Variants in SYTL5 observed in about 807,000 individuals in gnomAD.
The protein encoded by SYTL5 is synaptotagmin-like protein 5.
SYTL5 carries 34 observed loss-of-function variants against 55.9 expected under a neutral mutation model. That is an observed-to-expected ratio of 0.61 (90% CI 0.46 to 0.81). The LOEUF is 0.81. SYTL5 is among the 30% of genes least tolerant of loss of function. The pLI, the probability that SYTL5 is intolerant of heterozygous loss-of-function variation, is 0.00. For missense variants in SYTL5, 637 were observed against 546.7 expected (o/e 1.17, Z -1.65); for synonymous variants, 221 against 188.7 (o/e 1.17, Z -1.40).
At chrX:38,083,382 C>G (rs945135912) in intron 6 of SYTL5, among the ~76,000 whole-genome samples, 1 of 111,825 alleles carries the variant, frequency 8.9e-6, no homozygotes, top group Non-Finnish European at 1.9e-5. Flanking sequence ...TAAGGAAACA[C>G]TAAACATTTT....
At chrX:38,037,795 TA>T (rs1303323804) in intron 2 of SYTL5, among the ~76,000 whole-genome samples, 2 of 102,531 alleles carry the variant, frequency 2.0e-5, no homozygotes, top group East Asian at 3.4e-4. Flanking sequence ...TTCTGATAGA[TA>T]GATAGATAGA....
At chrX:37,907,202 CCTG>C in the SYTL5 span, among the ~76,000 whole-genome samples, 1 of 111,127 alleles carries the variant, frequency 9.0e-6, no homozygotes, top group African/African-American at 3.3e-5. Flanking sequence ...AGAAAACAAC[CCTG>C]CTGATATGCC....
rs1281548491 is a variant in SYTL5 at position 38,096,192 on chromosome X, T to C, written c.1020T>C (p.Thr340=). 3 of 1,194,240 alleles carry C rather than the reference T, an allele frequency of 2.5e-6. No homozygotes were observed. Among genetic ancestry groups the C allele is most frequent in the African/African-American group, 3.5e-5 (2 of 56,754 alleles). ...CATTTACAGAAGACTCAGAGGATAC[T>C]GTAAGCATAAGAAGCAAGTCTGTCC... The part of the protein sequence containing the change: ...SESFTEDSED[T]VSIRSKSVPG... The change falls in exon 9 of 17, where the codon ACT becomes ACC. Residue 340 remains threonine (T), a synonymous_variant. Transcript: ENST00000297875.
At position 38,122,159 on chromosome X, in the gene SYTL5, G is replaced by A; in HGVS notation, c.1785G>A (p.Glu595=). The part of the protein sequence containing the change: ...SGGILEVFIK[E]AKNLTAVKSG... ...GAATACTAGAAGTGTTCATCAAAGAGGCAAAGAATTTGACAGCAGTGAAGT... is the reference window on the plus strand; with the variant it reads ...GAATACTAGAAGTGTTCATCAAAGAAGCAAAGAATTTGACAGCAGTGAAGT... Residue 595 remains glutamate (E), a synonymous_variant, in exon 15 of 17, where the codon GAG becomes GAA. Coordinates refer to ENST00000297875, the MANE Select transcript of SYTL5 (RefSeq NM_138780.3). The A allele has an allele frequency of 8.3e-7, 1 of 1,208,026 alleles. No individual in the cohort carries two copies. The highest frequency in any genetic ancestry group is 1.1e-6 in the Non-Finnish European group (1 of 892,881).
At chrX:38,119,180 T>TTGTG (rs767742519) in intron 13 of SYTL5, among the ~76,000 whole-genome samples, 18 of 108,577 alleles carry the variant, frequency 1.7e-4, no homozygotes, top group Non-Finnish European at 2.1e-4. Flanking sequence ...TGGTACTCAT[T>TTGTG]TGTGTGTGTG....
chrX:37,910,234 C>T, the SYTL5 span, among the ~76,000 whole-genome samples: 2 of 111,610 alleles, frequency 1.8e-5, no homozygotes, highest in South Asian at 7.6e-4. Context: ...ATCCTGAGGC[C>T]TCTCTCCTTC....
rs751531973 is a variant in SYTL5, at chrX:38,125,516, T to A, written c.2050+10T>A. The A allele has an allele frequency of 1.3e-5, 15 of 1,199,453 alleles. No homozygotes were observed. In the Admixed American group the frequency reaches 3.3e-4, roughly 26 times the overall value. ...TTGAATTCTGGAAGTGGTGAGGGAT[T>A]TGGGGACCCACAGGGATGGTCTGTG... On this transcript the variant is annotated intron_variant, in intron 16 of 16. Coordinates refer to ENST00000297875, the MANE Select transcript of SYTL5 (RefSeq NM_138780.3).
At chrX:37,974,296 C>A in the SYTL5 span, among the ~76,000 whole-genome samples, 1 of 112,039 alleles carries the variant, frequency 8.9e-6, no homozygotes, top group African/African-American at 3.2e-5. Context: ...CATGAATGAA[C>A]CTTGAAAACA....
the SYTL5 span, among the ~76,000 whole-genome samples, chrX:37,902,274 T>C: frequency 8.9e-6 from 1 of 112,265 alleles, no homozygotes; most frequent in South Asian, 3.7e-4. Context: ...TAGCAGCCTT[T>C]CTGTCTTAGA....
At chrX:38,062,126 C>G (rs760670977) in intron 3 of SYTL5, among the ~76,000 whole-genome samples, 8 of 110,626 alleles carry the variant, frequency 7.2e-5, no homozygotes, top group Admixed American at 6.8e-4. Context: ...TGCCACCACA[C>G]CCGGCTAATT....
chrX:38,035,632 C>G (rs1033106035), intron 2 of SYTL5, among the ~76,000 whole-genome samples: 3 of 109,322 alleles, frequency 2.7e-5, no homozygotes, highest in African/African-American at 6.7e-5. Context: ...CGTGGTGGCT[C>G]ACGCCTGTAA....
chrX:37,991,406 G>A, the SYTL5 span: 101 of 621,231 alleles, frequency 1.6e-4, no homozygotes, highest in African/African-American at 1.7e-3. Flanking sequence ...AGCTGAAGGC[G>A]GGGAAGGGGT....
intron 1 of SYTL5, among the ~76,000 whole-genome samples, chrX:38,013,659 A>G (rs183808315): frequency 2.1e-3 from 236 of 111,616 alleles, no homozygotes; most frequent in Middle Eastern, 4.6e-3. Flanking sequence ...TTCCAAAGGC[A>G]TCTTCCTGGG....
chrX:37,951,918 G>C, the SYTL5 span, among the ~76,000 whole-genome samples: 7 of 111,419 alleles, frequency 6.3e-5, no homozygotes, highest in Non-Finnish European at 9.4e-5. Context: ...GGATGGGCTA[G>C]ACACAAGGAG....
At chrX:37,985,074 G>A in the SYTL5 span, among the ~76,000 whole-genome samples, 7 of 111,933 alleles carry the variant, frequency 6.3e-5, no homozygotes, top group Non-Finnish European at 1.1e-4. Flanking sequence ...AACAAAACAG[G>A]ATGTCTGCTC....
intron 8 of SYTL5, among the ~76,000 whole-genome samples, chrX:38,094,986 C>T (rs1344524444): frequency 1.8e-5 from 2 of 111,713 alleles, no homozygotes; most frequent in African/African-American, 3.2e-5. Context: ...ATGTTAATAG[C>T]TATGACTAAG....
chrX:37,999,593 A>C, the SYTL5 span, among the ~76,000 whole-genome samples: 1 of 111,901 alleles, frequency 8.9e-6, no homozygotes, highest in Non-Finnish European at 1.9e-5. Flanking sequence ...AGGGGAAAAT[A>C]GTGAAAGGAG....
At chrX:37,971,203 T>C in the SYTL5 span, among the ~76,000 whole-genome samples, 7 of 108,725 alleles carry the variant, frequency 6.4e-5, no homozygotes, top group Non-Finnish European at 1.3e-4. Flanking sequence ...GCACATTGCA[T>C]AGACTTATAA....
intron 6 of SYTL5, among the ~76,000 whole-genome samples, chrX:38,077,172 T>C (rs774909532): frequency 2.6e-4 from 29 of 111,701 alleles, no homozygotes; most frequent in Admixed American, 1.4e-3. Context: ...AGATTATCAG[T>C]GGAGCCAATT....
Sources: allele counts gnomAD v4.1 joint callset (sites outside exome capture counted in the v4.1 genomes callset), GRCh38; gene constraint gnomAD v4.1.1; transcripts MANE v1.5; gene names NCBI Gene and HGNC (gene_info 2026-07-23, HGNC 2026-07-21).